Variants in ADCYAP1R1 observed in about 807,000 individuals in gnomAD.
ADCYAP1R1 encodes the protein pituitary adenylate cyclase-activating polypeptide type I receptor.
In ADCYAP1R1, 44 loss-of-function variants were observed where a neutral mutation model predicts 67.6. The ratio of observed to expected loss-of-function variants is 0.65; its 90% CI spans 0.51 to 0.84. ADCYAP1R1 has a LOEUF of 0.84. Ranked by LOEUF, ADCYAP1R1 falls within the 40% of genes least tolerant of loss-of-function variation. ADCYAP1R1 has a pLI of 0.00. For synonymous variants in ADCYAP1R1, 222 were observed against 219.6 expected (o/e 1.01, Z -0.10); for missense variants, 477 against 587.9 (o/e 0.81, Z 1.95).
At chr7:31,093,649 G>C (rs1476167308) in intron 13 of ADCYAP1R1, among the ~76,000 whole-genome samples, 1 of 152,100 alleles carries the variant, frequency 6.6e-6, no homozygotes. Context: ...GCAGTCCTTG[G>C]GGTCCGTCTG....
chr7:31,095,522 G>A lies in ADCYAP1R1; in HGVS notation c.1046+2787G>A, dbSNP rs1461193284. The A allele has an allele frequency of 7.3e-6, 5 of 687,030 alleles. No individual in the cohort carries two copies. The East Asian group carries it at 1.1e-4, about 15-fold the overall frequency. 42.6% of individuals were successfully genotyped at this position (687,030 alleles called of 1,614,324 possible). On this transcript the variant is annotated intron_variant, in intron 13 of 15. Transcript: ENST00000304166. ...AGGAGGGGAGAATGTCAGGCGCAGG[G>A]GAGGTGAGAGGGCAGTGAATGGGGG...
At chr7:31,099,838 C>T (rs1796361143) in intron 13 of ADCYAP1R1, among the ~76,000 whole-genome samples, 1 of 152,214 alleles carries the variant, frequency 6.6e-6, no homozygotes, top group Admixed American at 6.5e-5. Context: ...GCCCAGGCCA[C>T]CTTCTGAATA....
At chr7:31,095,187 T>A (rs1020804490) in intron 13 of ADCYAP1R1, among the ~76,000 whole-genome samples, 4 of 152,192 alleles carry the variant, frequency 2.6e-5, no homozygotes, top group African/African-American at 9.7e-5. Flanking sequence ...TCTGGTGGAA[T>A]AGGTAAATCA....
At chr7:31,082,096 G>A (rs1487586848) in intron 6 of ADCYAP1R1, among the ~76,000 whole-genome samples, 2 of 152,186 alleles carry the variant, frequency 1.3e-5, no homozygotes, top group African/African-American at 4.8e-5. Context: ...CAGCTACCTT[G>A]TGCACTTGTT....
chr7:31,064,276 C>G (rs559674909), intron 2 of ADCYAP1R1, among the ~76,000 whole-genome samples: 334 of 152,220 alleles, frequency 2.2e-3, no homozygotes, highest in Non-Finnish European at 4.0e-3. Flanking sequence ...AGAAAATGAG[C>G]TTTCTCAGCC....
intron 14 of ADCYAP1R1, 36 bp from the exon 15 acceptor site, chr7:31,104,832 T>C (rs1183475526): frequency 3.1e-6 from 5 of 1,612,924 alleles, no homozygotes; most frequent in East Asian, 2.2e-5. Flanking sequence ...GAAAGTCCTT[T>C]GCTAGCATCC....
chr7:31,102,303 C>G lies in ADCYAP1R1; in HGVS notation c.1047-934C>G, dbSNP rs1796471600. ...GGGCAGGCCACATCTGCGGGGCAGG[C>G]CACATCTGCAGGGCAGAGCTGGACT... is the stretch of plus-strand genomic sequence containing the variant. On this transcript the variant is annotated intron_variant, in intron 13 of 15. Coordinates refer to ENST00000304166, the MANE Select transcript of ADCYAP1R1 (RefSeq NM_001118.5). This position sits in a 1 kb window ranked among gnomAD's most constrained non-coding sequence, Gnocchi z 4.3. Among the ~76,000 whole-genome samples the G allele has an allele frequency of 6.6e-6, 1 of 152,186 alleles. No individual in the cohort carries two copies. The highest frequency in any genetic ancestry group is 2.4e-5 in the African/African-American group (1 of 41,452).
intron 15 of ADCYAP1R1, 62 bp downstream of exon 15, chr7:31,104,971 G>GT: frequency 2.6e-6 from 4 of 1,559,194 alleles, no homozygotes; most frequent in Non-Finnish European, 3.5e-6. Context: ...GAGCAGACAG[G>GT]GGAACCACCT....
At chr7:31,078,843 G>T (rs1451324306) in intron 4 of ADCYAP1R1, among the ~76,000 whole-genome samples, 1 of 152,226 alleles carries the variant, frequency 6.6e-6, no homozygotes, top group Non-Finnish European at 1.5e-5. Flanking sequence ...GTGACTTGTG[G>T]ACGTGGGCTT....
Position 31,065,060 on chromosome 7 carries a change from G to A in ADCYAP1R1, c.157+124G>A, listed in dbSNP as rs55760747. 3,517 of 666,414 alleles carry A rather than the reference G, an allele frequency of 5.3e-3. 55 individuals carry two copies. The highest frequency in any genetic ancestry group is 0.042 in the African/African-American group (2,319 of 55,098). The allele number at this position is 666,414 out of a possible 1,614,324, so 41.3% of individuals were successfully genotyped here. A position where few individuals can be genotyped will look rare whatever the true frequency, so the allele number is the denominator to read the frequency against. On this transcript the variant is annotated intron_variant, in intron 3 of 15. Coordinates refer to ENST00000304166, the MANE Select transcript of ADCYAP1R1 (RefSeq NM_001118.5). ...TTTCTGGGGACTTCAGAAGGCCCTC[G>A]AGAATACTGATGTCCTGGATCTGCT... is the stretch of plus-strand genomic sequence containing the variant.
At chr7:31,101,592 C>T (rs1796438914) in intron 13 of ADCYAP1R1, among the ~76,000 whole-genome samples, 1 of 152,224 alleles carries the variant, frequency 6.6e-6, no homozygotes, top group Non-Finnish European at 1.5e-5. Flanking sequence ...ACTTTCATTC[C>T]TTCTGCAAGC....
chr7:31,097,932 G>T (rs1041483560), intron 13 of ADCYAP1R1, among the ~76,000 whole-genome samples: 9 of 152,284 alleles, frequency 5.9e-5, no homozygotes, highest in South Asian at 2.1e-4. Context: ...ACAGAGTCTT[G>T]CTCTGTTGCC....
At chr7:31,065,081 C>A in intron 3 of ADCYAP1R1, 145 bp downstream of exon 3, 1 of 630,454 alleles carries the variant, frequency 1.6e-6, no homozygotes, top group East Asian at 2.8e-5. Context: ...TGTCCTGGAT[C>A]TGCTCTGGGC....
chr7:31,059,668 A>G (rs1490453901), intron 1 of ADCYAP1R1, among the ~76,000 whole-genome samples: 3 of 152,116 alleles, frequency 2.0e-5, no homozygotes, highest in Non-Finnish European at 2.9e-5. Flanking sequence ...GAGGGGAGGC[A>G]TCTTAGAGGG....
At position 31,065,857 on chromosome 7, in the gene ADCYAP1R1, C is replaced by T. The variant is rs559747974; in HGVS notation, c.157+921C>T. ...ATTTTCCTTCTGGATCCTCCTGGCT[C>T]CTCTGAGCACCATGTATTTAAGCAC... On this transcript the variant is annotated intron_variant, in intron 3 of 15. Coordinates refer to ENST00000304166, the MANE Select transcript of ADCYAP1R1 (RefSeq NM_001118.5). 3.1e-3 allele frequency among the ~76,000 whole-genome samples: 471 copies of T among 152,354 alleles called. 4 individuals are homozygous for T. Among genetic ancestry groups the T allele is most frequent in the Middle Eastern group, 0.014 (4 of 294 alleles).
chr7:31,059,969 T>A (rs1329602024), intron 1 of ADCYAP1R1, among the ~76,000 whole-genome samples: 1 of 151,640 alleles, frequency 6.6e-6, no homozygotes, highest in African/African-American at 2.4e-5. Flanking sequence ...CAAGAGAAGG[T>A]AACAGTGGGA....
intron 1 of ADCYAP1R1, among the ~76,000 whole-genome samples, chr7:31,057,679 C>G (rs192971394): frequency 7.2e-5 from 11 of 152,348 alleles, no homozygotes; most frequent in African/African-American, 2.6e-4. Context: ...TCCCCTCCTT[C>G]CCTGCAGCAG....
intron 5 of ADCYAP1R1, among the ~76,000 whole-genome samples, chr7:31,080,937 G>A (rs1214451264): frequency 5.9e-5 from 9 of 152,226 alleles, no homozygotes; most frequent in Admixed American, 5.2e-4. Flanking sequence ...GAGTGTAGCT[G>A]CATATATGTG....
At position 31,097,817 on chromosome 7, in the gene ADCYAP1R1, G is replaced by T. The variant is rs564260676; in HGVS notation, c.1046+5082G>T. Among the ~76,000 whole-genome samples, 7 of 152,120 alleles carry T rather than the reference G, an allele frequency of 4.6e-5. No homozygotes were observed. In the East Asian group the frequency reaches 7.7e-4, roughly 17 times the overall value. ...TGTAGGAGGCAACAGATACAGTTGG[G>T]GGGGGGTCTCCTGGACCCTGATTTC... On this transcript the variant is annotated intron_variant, in intron 13 of 15. Coordinates refer to ENST00000304166, the MANE Select transcript of ADCYAP1R1 (RefSeq NM_001118.5).
Sources: allele counts gnomAD v4.1 joint callset (sites outside exome capture counted in the v4.1 genomes callset), GRCh38; gene constraint gnomAD v4.1.1; non-coding constraint Gnocchi (gnomAD v3.1); transcripts MANE v1.5; gene names NCBI Gene and HGNC (gene_info 2026-07-23, HGNC 2026-07-21).